Variants in DOK6 observed in about 807,000 individuals in gnomAD.
DOK6 encodes docking protein 6.
A neutral mutation model predicts 44.0 loss-of-function variants in DOK6; 22 were observed. The observed-to-expected ratio is 0.50, with a 90% CI of 0.36 to 0.71. DOK6 has a LOEUF of 0.71. Among genes scored for constraint, DOK6 ranks in the 30% least tolerant of loss-of-function variants. The probability of loss-of-function intolerance (pLI) is 0.00; values close to 1 mark genes in which losing one functional copy is unlikely to be tolerated. For missense variants in DOK6, 340 were observed against 416.4 expected (o/e 0.82, Z 1.60); for synonymous variants, 166 against 145.5 (o/e 1.14, Z -1.01).
intron 1 of DOK6, among the ~76,000 whole-genome samples, chr18:69,507,636 A>T (rs898910455): frequency 2.0e-5 from 3 of 152,126 alleles, no homozygotes; most frequent in African/African-American, 7.2e-5. Flanking sequence ...TAAGTAGTTC[A>T]TCTTTCATGG....
In DOK6 at chr18:69,547,857, T is replaced by C. The variant is rs191294789; in HGVS notation, c.67-16630T>C. Among the ~76,000 whole-genome samples the C allele has an allele frequency of 7.3e-4, 109 of 150,214 alleles. 4 individuals are homozygous for C. The East Asian group carries it at 0.02, about 27-fold the overall frequency. ...CTCAATAGGATAACCTCCAGTTGCATCCTTGTTGCTGTAAATGACATGATT... is the reference window on the plus strand; with the variant it reads ...CTCAATAGGATAACCTCCAGTTGCACCCTTGTTGCTGTAAATGACATGATT... On this transcript the variant is annotated intron_variant, in intron 1 of 7. Coordinates refer to ENST00000382713, the MANE Select transcript of DOK6 (RefSeq NM_152721.6).
intron 3 of DOK6, among the ~76,000 whole-genome samples, chr18:69,607,964 A>G (rs1422490048): frequency 1.3e-5 from 2 of 152,222 alleles, no homozygotes; most frequent in Non-Finnish European, 2.9e-5. Flanking sequence ...AATGTTAACA[A>G]TTACAGTTAT....
intron 1 of DOK6, among the ~76,000 whole-genome samples, chr18:69,461,661 C>T (rs1979791863): frequency 6.6e-6 from 1 of 152,182 alleles, no homozygotes; most frequent in African/African-American, 2.4e-5. Flanking sequence ...AACATCTTTT[C>T]AAAACCCTCT....
intron 7 of DOK6, among the ~76,000 whole-genome samples, chr18:69,759,144 T>A (rs1979458331): frequency 6.6e-6 from 1 of 151,538 alleles, no homozygotes; most frequent in African/African-American, 2.4e-5. Flanking sequence ...AGAATAAGGA[T>A]TAGAGGGTTA....
chr18:69,414,746 A>G (rs1448536945), intron 1 of DOK6, among the ~76,000 whole-genome samples: 1 of 152,102 alleles, frequency 6.6e-6, no homozygotes, highest in African/African-American at 2.4e-5. Context: ...GATAAAGAGC[A>G]TGCAGGGTTG....
chr18:69,814,344 G>A (rs1981332934), intron 7 of DOK6, among the ~76,000 whole-genome samples: 1 of 152,042 alleles, frequency 6.6e-6, no homozygotes, highest in Non-Finnish European at 1.5e-5. Flanking sequence ...GTGAGGTGAG[G>A]GAGGCAAAGT....
At chr18:69,544,852 C>A (rs1477265958) in intron 1 of DOK6, among the ~76,000 whole-genome samples, 1 of 151,432 alleles carries the variant, frequency 6.6e-6, no homozygotes, top group Non-Finnish European at 1.5e-5. Flanking sequence ...TACAACCCGC[C>A]AGGTGCGATG....
chr18:69,405,005 G>A (rs931211499), intron 1 of DOK6, among the ~76,000 whole-genome samples: 26 of 152,274 alleles, frequency 1.7e-4, no homozygotes, highest in African/African-American at 5.8e-4. Flanking sequence ...CACCAACTTC[G>A]CTGTAGGGGA....
At chr18:69,782,507 G>A (rs1401390191) in intron 7 of DOK6, among the ~76,000 whole-genome samples, 4 of 151,494 alleles carry the variant, frequency 2.6e-5, no homozygotes, top group African/African-American at 4.8e-5. Flanking sequence ...CACCGCACTC[G>A]GCCGTGTTCT....
chr18:69,760,361 T>C lies in DOK6; in HGVS notation c.856+2488T>C, dbSNP rs534607718. Among the ~76,000 whole-genome samples the C allele has an allele frequency of 1.1e-3, 171 of 152,318 alleles. 2 individuals are homozygous for C. Among genetic ancestry groups the C allele is most frequent in the South Asian group, 3.9e-3 (19 of 4,824 alleles). On this transcript the variant is annotated intron_variant, in intron 7 of 7. Coordinates refer to ENST00000382713, the MANE Select transcript of DOK6 (RefSeq NM_152721.6). Reference sequence around the variant, plus strand: ...AAGCCTAGTTATCCACTGAGTGCGGTGGCTCATCCCTGTAATCCCAGCACT... The same window carrying C: ...AAGCCTAGTTATCCACTGAGTGCGGCGGCTCATCCCTGTAATCCCAGCACT...
At chr18:69,757,699 C>A in intron 6 of DOK6, 57 bp from the exon 7 acceptor site, 1 of 1,388,344 alleles carries the variant, frequency 7.2e-7, no homozygotes, top group Non-Finnish European at 1.0e-6. Context: ...TTTAGAAGAG[C>A]AGATTTCAGT....
Position 69,787,295 on chromosome 18 carries a change from A to G in DOK6, c.856+29422A>G, listed in dbSNP as rs77262485. Among the ~76,000 whole-genome samples the G allele has an allele frequency of 3.3e-4, 50 of 152,256 alleles. No individual in the cohort carries two copies. The East Asian group carries it at 9.3e-3, about 28-fold the overall frequency. ...TTTTTATAACTAGCATCAAGATCCA[A>G]TATACTTTTTTTGGTCATAATTATG... On this transcript the variant is annotated intron_variant, in intron 7 of 7. Coordinates refer to ENST00000382713, the MANE Select transcript of DOK6 (RefSeq NM_152721.6).
chr18:69,803,531 A>G (rs1336569524), intron 7 of DOK6, among the ~76,000 whole-genome samples: 3 of 152,232 alleles, frequency 2.0e-5, no homozygotes, highest in African/African-American at 7.2e-5. Context: ...TAATGAAAGA[A>G]ATTCCAAAGG....
At chr18:69,823,297 A>T (rs17799658) in intron 7 of DOK6, among the ~76,000 whole-genome samples, 39,962 of 152,054 alleles carry the variant, frequency 0.26, 5,257 homozygotes, top group Non-Finnish European at 0.27. Context: ...TATGCAGAGG[A>T]TGCTAACAGA....
At chr18:69,472,768 T>C (rs116973512) in intron 1 of DOK6, among the ~76,000 whole-genome samples, 16 of 152,324 alleles carry the variant, frequency 1.1e-4, no homozygotes, top group Non-Finnish European at 2.2e-4. Context: ...GATCTCATTA[T>C]TTCTTTAAAG....
At position 69,403,140 on chromosome 18, in the gene DOK6, C is replaced by A. The variant is rs1005262870; in HGVS notation, c.66+1830C>A. On this transcript the variant is annotated intron_variant, in intron 1 of 7. Coordinates refer to ENST00000382713, the MANE Select transcript of DOK6 (RefSeq NM_152721.6). The stretch of plus-strand genomic sequence containing the variant: ...TATAAACTAATGGATGAGTTAAGTC[C>A]CAGACAAGATGTATGTCTGCGTTCA... Among the ~76,000 whole-genome samples the A allele has an allele frequency of 2.0e-5, 3 of 152,018 alleles. No individual in the cohort carries two copies. The East Asian group carries it at 5.8e-4, about 29-fold the overall frequency.
At chr18:69,578,823 A>G (rs1304846055) in intron 2 of DOK6, among the ~76,000 whole-genome samples, 1 of 152,214 alleles carries the variant, frequency 6.6e-6, no homozygotes, top group African/African-American at 2.4e-5. Context: ...AGAACTTACA[A>G]TTTCAACAAT....
In DOK6 at chr18:69,604,994, G is replaced by A. The variant is rs1227615012; in HGVS notation, c.289+5496G>A. 2.6e-5 allele frequency among the ~76,000 whole-genome samples: 4 copies of A among 151,998 alleles called. No homozygotes were observed. The East Asian group carries it at 5.8e-4, about 22-fold the overall frequency. ...GAGTGTCGCTTCTCCTTGTCAGAGA[G>A]AGTATCTGCACCATGGCCTCTGGAT... On this transcript the variant is annotated intron_variant, in intron 3 of 7. Coordinates refer to ENST00000382713, the MANE Select transcript of DOK6 (RefSeq NM_152721.6).
intron 5 of DOK6, among the ~76,000 whole-genome samples, chr18:69,717,437 A>C (rs1050130254): frequency 6.6e-6 from 1 of 152,202 alleles, no homozygotes; most frequent in Non-Finnish European, 1.5e-5. Flanking sequence ...CTTAGAGCGC[A>C]TGGGTGATTG....
Sources: allele counts gnomAD v4.1 joint callset (sites outside exome capture counted in the v4.1 genomes callset), GRCh38; gene constraint gnomAD v4.1.1; transcripts MANE v1.5; gene names NCBI Gene and HGNC (gene_info 2026-07-23, HGNC 2026-07-21).